Variants in FADS2 observed in about 807,000 individuals in gnomAD.
FADS2 encodes the protein fatty acid desaturase 2.
A neutral mutation model predicts 61.2 loss-of-function variants in FADS2; 18 were observed. The observed-to-expected ratio is 0.29, with a 90% confidence interval of 0.20 to 0.44. The LOEUF is 0.44. Among genes scored for constraint, FADS2 ranks in the 20% least tolerant of loss-of-function variants. The probability of loss-of-function intolerance (pLI) is 1.00; values close to 1 mark genes in which losing one functional copy is unlikely to be tolerated. For missense variants in FADS2, 322 were observed against 572.7 expected (o/e 0.56, Z 4.47); for synonymous variants, 203 against 223.9 (o/e 0.91, Z 0.83).
chr11:61,861,671 A>G (rs550276046), intron 7 of FADS2, among the ~76,000 whole-genome samples: 335 of 152,302 alleles, frequency 2.2e-3, no homozygotes, highest in African/African-American at 2.8e-3. Context: ...CCCTCGGCCA[A>G]TGTTGGCCCC....
chr11:61,828,217 G>T, upstream of FADS2: 1 of 1,431,740 alleles, frequency 7.0e-7, no homozygotes, highest in East Asian at 2.5e-5. This position sits in a 1 kb window ranked among gnomAD's most constrained non-coding sequence, Gnocchi z 6.4. Flanking sequence ...GGACACTCCC[G>T]AGCGCAGGCG....
chr11:61,839,170 A>G (rs174580), intron 2 of FADS2, among the ~76,000 whole-genome samples: 57,638 of 150,476 alleles, frequency 0.38, 11,640 homozygotes, highest in East Asian at 0.56. Flanking sequence ...TGTGCCCGGG[A>G]CTCACAGCCC....
chr11:61,836,788 C>T (rs1450093923), intron 1 of FADS2, among the ~76,000 whole-genome samples: 1 of 152,216 alleles, frequency 6.6e-6, no homozygotes, highest in East Asian at 1.9e-4. Context: ...CTGATTGTTT[C>T]TCATGGTGGA....
At position 61,816,414 on chromosome 11, in the gene FADS2, C is replaced by T; in HGVS notation, c.129C>T (p.Ile43=). ...ATCCCGCATCCGCAGGACACCCAAT[C>T]ACCGGGCAACAGGTATGATCAGGCG... Residue 43 remains isoleucine (I), a synonymous_variant, in exon 1 of 12, where the codon ATC becomes ATT. Transcript: ENST00000257261. The surrounding 1 kb of genome is among the most constrained non-coding windows in gnomAD (Gnocchi z 7.0). The T allele has an allele frequency of 6.3e-7, 1 of 1,598,734 alleles. No individual in the cohort carries two copies. The highest frequency in any genetic ancestry group is 1.7e-5 in the Admixed American group (1 of 60,024).
intron 5 of FADS2, among the ~76,000 whole-genome samples, chr11:61,854,005 C>T (rs1161650041): frequency 3.9e-5 from 6 of 152,206 alleles, no homozygotes; most frequent in East Asian, 1.9e-4. Flanking sequence ...TCAGCCCCGC[C>T]GCCAGGGCTG....
At chr11:61,837,961 C>A in intron 2 of FADS2, 73 bp downstream of exon 2, 1 of 1,060,190 alleles carries the variant, frequency 9.4e-7, no homozygotes, top group Non-Finnish European at 1.4e-6. Context: ...GAGAGGCTCC[C>A]CTTGCCCCAT....
At position 61,828,365 on chromosome 11, in the gene FADS2, A is replaced by T. The variant is rs1306380743; in HGVS notation, c.-26A>T. 1 of 1,549,692 alleles carries T rather than the reference A, an allele frequency of 6.5e-7. No individual in the cohort carries two copies. The highest frequency in any genetic ancestry group is 8.7e-7 in the Non-Finnish European group (1 of 1,147,472). ...AGCCGGCGCGGGGAGGCCGCAGTGC[A>T]CGGGGCGTCACAGTCGGCAGGCAGC... On this transcript the variant is annotated 5_prime_UTR_variant, in exon 1 of 12. Transcript: ENST00000278840. This position sits in a 1 kb window ranked among gnomAD's most constrained non-coding sequence, Gnocchi z 6.4.
Position 61,840,339 on chromosome 11 carries a change from G to C in FADS2, c.324G>C (p.Lys108Asn). The change falls in exon 3 of 12, where the codon AAG (lysine) becomes AAC (asparagine). Residue 108 changes from lysine to asparagine, a missense_variant. Physicochemically the swap from Lys to Asn is moderately conservative, Grantham distance 94. This residue lies in a region of FADS2 where 40 missense variants were observed against 37.3 expected (regional missense o/e 1.07). Coordinates refer to ENST00000278840, the MANE Select transcript of FADS2 (RefSeq NM_004265.4). Reference sequence around the variant, plus strand: ...CCTGTGCTCTTGGTCAACAGTCAAAGATCACTGAGGACTTCCGGGCCCTGA... The same window carrying C: ...CCTGTGCTCTTGGTCAACAGTCAAACATCACTGAGGACTTCCGGGCCCTGA... ...EPSQDHGKNS[K>N]ITEDFRALRK... 6.2e-7 allele frequency: 1 copy of C among 1,613,998 alleles called. No individual in the cohort carries two copies. Among genetic ancestry groups the C allele is most frequent in the Non-Finnish European group, 8.5e-7 (1 of 1,179,986 alleles).
Position 61,865,913 on chromosome 11 carries a change from C to G in FADS2, c.*224C>G. 5.3e-6 allele frequency: 3 copies of G among 571,350 alleles called. No homozygotes were observed. Among genetic ancestry groups the G allele is most frequent in the South Asian group, 4.7e-5 (2 of 42,554 alleles). The allele number at this position is 571,350 out of a possible 1,614,324, so 35.4% of individuals were successfully genotyped here. On this transcript the variant is annotated 3_prime_UTR_variant, in exon 12 of 12. Coordinates refer to ENST00000278840, the MANE Select transcript of FADS2 (RefSeq NM_004265.4). The surrounding 1 kb of genome is among the most constrained non-coding windows in gnomAD (Gnocchi z 4.1). ...CCCTCCCTCAGCCGTCAGCCATCAG[C>G]CATGGCCCTCCCAGTGCCTCCTAGC... is the stretch of plus-strand genomic sequence containing the variant.
Position 61,840,522 on chromosome 11 carries a change from T to C in FADS2, c.507T>C (p.Ala169=). 6.2e-7 allele frequency: 1 copy of C among 1,614,238 alleles called. No homozygotes were observed. Among genetic ancestry groups the C allele is most frequent in the Non-Finnish European group, 8.5e-7 (1 of 1,180,036 alleles). ...IPTLITAFVL[A]TSQAQAGWLQ... is the part of the protein sequence containing the mutation. ...CCCTCATCACGGCCTTTGTCCTTGC[T>C]ACCTCTCAGGTGAGGCGTGACACCC... The change falls in exon 3 of 12, where the codon GCT becomes GCC. Residue 169 remains alanine (A), a synonymous_variant. Coordinates refer to ENST00000278840, the MANE Select transcript of FADS2 (RefSeq NM_004265.4).
intron 1 of FADS2, chr11:61,821,351 C>T: frequency 1.4e-6 from 1 of 699,250 alleles, no homozygotes; most frequent in South Asian, 1.5e-5. Flanking sequence ...GAGACCCCTT[C>T]CTAACTGTCC....
upstream of FADS2, among the ~76,000 whole-genome samples, chr11:61,825,801 G>A (rs564204886): frequency 1.1e-4 from 17 of 149,866 alleles, no homozygotes; most frequent in South Asian, 3.6e-3. Flanking sequence ...GCTGAGGCAG[G>A]AGAATGGCGT....
chr11:61,857,342 C>T lies in FADS2; in HGVS notation c.806-112C>T, dbSNP rs902536176. On this transcript the variant is annotated intron_variant, in intron 6 of 11. Transcript: ENST00000278840. ...GCCCCGGGGTCCCTGGCTGCTTCTGCCCACGTCTGCAGGGCTGGCCCCTGC... is the reference window on the plus strand; with the variant it reads ...GCCCCGGGGTCCCTGGCTGCTTCTGTCCACGTCTGCAGGGCTGGCCCCTGC... 4.9e-6 allele frequency: 5 copies of T among 1,013,878 alleles called. No homozygotes were observed. In the African/African-American group the frequency reaches 7.9e-5, roughly 16 times the overall value. The allele number at this position is 1,013,878 out of a possible 1,614,324, so 62.8% of individuals were successfully genotyped here.
intron 4 of FADS2, chr11:61,846,881 G>A (rs931734471): frequency 6.6e-6 from 1 of 151,852 alleles, no homozygotes; most frequent in African/African-American, 2.4e-5. Context: ...GGTGTGACAC[G>A]AATCTCAGGA....
chr11:61,824,495 AAAGAAAG>A (rs1381792032), upstream of FADS2, among the ~76,000 whole-genome samples: 333 of 8,818 alleles, frequency 0.038, 64 homozygotes, highest in East Asian at 0.6. Context: ...AGAGAGAAAG[AAAGAAAG>A]GAAAGAAAGA....
At chr11:61,856,805 C>T (rs775331170) in intron 5 of FADS2, 20 of 583,926 alleles carry the variant, frequency 3.4e-5, no homozygotes, top group South Asian at 1.8e-4. Flanking sequence ...GCTGAGGAAG[C>T]GTTGGCCGCT....
At chr11:61,857,559 T>G in intron 7 of FADS2, 29 bp downstream of exon 7, 1 of 1,592,656 alleles carries the variant, frequency 6.3e-7, no homozygotes. Context: ...TGGCTTGGCA[T>G]GGGGAGGAGG....
In FADS2 at chr11:61,862,412, C is replaced by T. The variant is rs545603085; in HGVS notation, c.883-560C>T. 34 of 157,634 alleles carry T rather than the reference C, an allele frequency of 2.2e-4. 1 individual carries two copies. The highest frequency in any genetic ancestry group is 1.8e-3 in the Admixed American group (29 of 15,838). 9.8% of individuals were successfully genotyped at this position (157,634 alleles called of 1,614,324 possible). On this transcript the variant is annotated intron_variant, in intron 7 of 11. Coordinates refer to ENST00000278840, the MANE Select transcript of FADS2 (RefSeq NM_004265.4). ...CCAAGCCCAGTCCCTGACACCAGTCCAGCCAGAGGCAGGGAGGAGAGCAGA... is the reference window on the plus strand; with the variant it reads ...CCAAGCCCAGTCCCTGACACCAGTCTAGCCAGAGGCAGGGAGGAGAGCAGA...
At chr11:61,824,926 C>T (rs1326110808), upstream of FADS2, among the ~76,000 whole-genome samples, 4 of 152,138 alleles carry the variant, frequency 2.6e-5, no homozygotes. Flanking sequence ...GGTGCAGTGG[C>T]TCACGCCTGT....
Sources: allele counts gnomAD v4.1 joint callset (sites outside exome capture counted in the v4.1 genomes callset), GRCh38; gene constraint gnomAD v4.1.1; regional missense constraint gnomAD v4.1.1; non-coding constraint Gnocchi (gnomAD v3.1); transcripts MANE v1.5; gene names NCBI Gene and HGNC (gene_info 2026-07-23, HGNC 2026-07-21).